The following ARFGEF3 variants were observed in gnomAD, a reference collection of about 807,000 sequenced individuals.
The protein encoded by ARFGEF3 is ARFGEF family member 3.
A neutral mutation model predicts 221.7 loss-of-function variants in ARFGEF3; 96 were observed. The observed-to-expected ratio is 0.43, with a 90% CI of 0.37 to 0.51. ARFGEF3 has a LOEUF of 0.51. ARFGEF3 is among the 20% of genes least tolerant of loss of function. The probability of loss-of-function intolerance (pLI) is 0.00; values close to 1 mark genes in which losing one functional copy is unlikely to be tolerated. For missense variants in ARFGEF3, 2,410 were observed against 2,789.9 expected, an observed-to-expected ratio of 0.86 and a Z score of 3.07; for synonymous variants, 1,145 against 1,126.8, an observed-to-expected ratio of 1.02 and a Z score of -0.32.
intron 33 of ARFGEF3, among the ~76,000 whole-genome samples, chr6:138,335,666 T>C (rs1443633601): frequency 1.3e-5 from 2 of 152,088 alleles, no homozygotes; most frequent in African/African-American, 4.8e-5. Context: ...GCTGAGATGG[T>C]GCCACTGCAC....
intron 2 of ARFGEF3, among the ~76,000 whole-genome samples, chr6:138,193,457 C>A (rs1304058969): frequency 2.6e-5 from 4 of 152,186 alleles, no homozygotes; most frequent in Non-Finnish European, 5.9e-5. Context: ...TCCATATAGG[C>A]AGGAACCGTG....
Position 138,339,636 on chromosome 6 carries a change from A to G in ARFGEF3, c.*3150A>G, listed in dbSNP as rs1209917049. On this transcript the variant is annotated 3_prime_UTR_variant, in exon 34 of 34. Transcript: ENST00000251691. The stretch of plus-strand genomic sequence containing the variant: ...AAGTATAAGAGACCCTGGACTGATG[A>G]TGGCCCAGCCAAGTATATGGAGGGA... 6.6e-6 allele frequency: 1 copy of G among 152,190 alleles called. No homozygotes were observed. Among genetic ancestry groups the G allele is most frequent in the Non-Finnish European group, 1.5e-5 (1 of 68,052 alleles). 9.4% of individuals were successfully genotyped at this position (152,190 alleles called of 1,614,324 possible).
intron 7 of ARFGEF3, among the ~76,000 whole-genome samples, chr6:138,244,432 A>G (rs535694577): frequency 2.8e-4 from 43 of 152,352 alleles, no homozygotes; most frequent in African/African-American, 8.4e-4. Context: ...GTAGCCTGAC[A>G]ATTCTGTGAA....
intron 14 of ARFGEF3, among the ~76,000 whole-genome samples, chr6:138,283,712 T>C (rs1779237481): frequency 6.6e-6 from 1 of 152,324 alleles, no homozygotes; most frequent in Non-Finnish European, 1.5e-5. Context: ...GAAATAAGCT[T>C]TGCATTACTT....
chr6:138,189,058 A>G (rs1446947942), intron 2 of ARFGEF3, among the ~76,000 whole-genome samples: 1 of 152,144 alleles, frequency 6.6e-6, no homozygotes, highest in East Asian at 1.9e-4. Flanking sequence ...ACTTAAGGGG[A>G]GTTATTTCAT....
intron 18 of ARFGEF3, 22 bp downstream of exon 18, chr6:138,289,990 C>G: frequency 6.3e-7 from 1 of 1,598,706 alleles, no homozygotes; most frequent in South Asian, 1.1e-5. Flanking sequence ...GCTCCCACCC[C>G]CAGATGGCAC....
At chr6:138,241,927 G>A (rs1046914240) in intron 6 of ARFGEF3, among the ~76,000 whole-genome samples, 1 of 152,180 alleles carries the variant, frequency 6.6e-6, no homozygotes, top group African/African-American at 2.4e-5. Flanking sequence ...AAGTAAAGTT[G>A]CTACATTTAA....
rs78300627 is a variant in ARFGEF3 at position 138,172,805 on chromosome 6, C to T, written c.137+2092C>T. Among the ~76,000 whole-genome samples, 558 of 152,248 alleles carry T rather than the reference C, an allele frequency of 3.7e-3. 21 individuals carry two copies. Among genetic ancestry groups the T allele is most frequent in the Admixed American group, 0.027 (412 of 15,292 alleles). On this transcript the variant is annotated intron_variant, in intron 2 of 33. Coordinates refer to ENST00000251691, the MANE Select transcript of ARFGEF3 (RefSeq NM_020340.5). ...ACTAACTGGGAGAAATATAAACAAA[C>T]TCCATTTCTGTAGAAATGTATTTTT...
At chr6:138,257,072 C>T (rs1778697271) in intron 10 of ARFGEF3, among the ~76,000 whole-genome samples, 1 of 152,182 alleles carries the variant, frequency 6.6e-6, no homozygotes, top group Admixed American at 6.5e-5. Flanking sequence ...CCATGCCCAA[C>T]CATCAACTTT....
At chr6:138,224,281 T>C (rs1778037254) in intron 4 of ARFGEF3, among the ~76,000 whole-genome samples, 1 of 152,212 alleles carries the variant, frequency 6.6e-6, no homozygotes, top group African/African-American at 2.4e-5. Context: ...TGGGAGATGC[T>C]TTCTGGTTAA....
At chr6:138,295,205 G>T (rs1779484605) in intron 20 of ARFGEF3, among the ~76,000 whole-genome samples, 1 of 152,088 alleles carries the variant, frequency 6.6e-6, no homozygotes, top group South Asian at 2.1e-4. Context: ...AATCAATCAG[G>T]TAGGAATATA....
At chr6:138,242,687 T>C (rs1409652867) in intron 6 of ARFGEF3, among the ~76,000 whole-genome samples, 1 of 152,192 alleles carries the variant, frequency 6.6e-6, no homozygotes, top group Non-Finnish European at 1.5e-5. Flanking sequence ...TTCCAGGAAG[T>C]ATCCACGCCA....
chr6:138,182,963 A>C (rs1214679540), intron 2 of ARFGEF3, among the ~76,000 whole-genome samples: 4 of 152,172 alleles, frequency 2.6e-5, no homozygotes, highest in Non-Finnish European at 5.9e-5. Context: ...TTTTTTCCTG[A>C]AACTATAACT....
In ARFGEF3 at chr6:138,234,445, T is replaced by C. The variant is rs1284232046; in HGVS notation, c.421-4064T>C. Among the ~76,000 whole-genome samples the C allele has an allele frequency of 2.0e-5, 3 of 151,870 alleles. No individual in the cohort carries two copies. The East Asian group carries it at 5.8e-4, about 29-fold the overall frequency. On this transcript the variant is annotated intron_variant, in intron 5 of 33. Transcript: ENST00000251691. ...TGATCAGACTTAGACAGCTGTTTCC[T>C]AGAAATAATAAAACAACTTCAGTTC...
intron 17 of ARFGEF3, 122 bp from the exon 18 acceptor site, chr6:138,289,696 G>A: frequency 5.8e-6 from 6 of 1,033,194 alleles, no homozygotes; most frequent in African/African-American, 1.6e-5. Context: ...CTGTGGAGGT[G>A]CTTGCTGCCA....
chr6:138,314,815 C>A (rs1021139363), intron 26 of ARFGEF3, among the ~76,000 whole-genome samples: 3 of 152,184 alleles, frequency 2.0e-5, no homozygotes, highest in Admixed American at 2.0e-4. Flanking sequence ...GGGAAATATT[C>A]AAACCGTAGC....
intron 29 of ARFGEF3, among the ~76,000 whole-genome samples, chr6:138,322,194 T>C (rs909741812): frequency 2.0e-5 from 3 of 152,214 alleles, no homozygotes; most frequent in African/African-American, 7.2e-5. Context: ...TTTGCCTGCC[T>C]GACTGTTTGA....
chr6:138,306,449 A>C (rs1354226181), intron 22 of ARFGEF3, among the ~76,000 whole-genome samples: 3 of 152,186 alleles, frequency 2.0e-5, no homozygotes, highest in Non-Finnish European at 2.9e-5. Context: ...TTTTGAAGAG[A>C]TCATCAAAGT....
At chr6:138,236,699 G>C (rs1338375827) in intron 5 of ARFGEF3, among the ~76,000 whole-genome samples, 2 of 152,148 alleles carry the variant, frequency 1.3e-5, no homozygotes, top group African/African-American at 4.8e-5. Context: ...AAACTCTTGG[G>C]CTCAAGCGAT....
Sources: gnomAD v4.1 joint callset for allele counts (sites outside exome capture counted in the v4.1 genomes callset) on GRCh38, gnomAD v4.1.1 for gene constraint, MANE v1.5 for transcripts, NCBI Gene and HGNC (gene_info 2026-07-23, HGNC 2026-07-21) for gene names.